The following KLHDC4 variants were observed in gnomAD, a reference collection of about 807,000 sequenced individuals.
KLHDC4 encodes kelch domain containing 4.
KLHDC4 carries 90 observed loss-of-function variants against 62.4 expected under a neutral mutation model. The ratio of observed to expected loss-of-function variants is 1.44; its 90% CI spans 1.22 to 1.72. The LOEUF (loss-of-function observed/expected upper bound fraction) is 1.72. KLHDC4 is among the 40% of genes most tolerant of loss of function. The pLI is 0.00. For missense variants in KLHDC4, 1,025 were observed against 699.7 expected, an observed-to-expected ratio of 1.47 and a Z score of -5.25; for synonymous variants, 386 against 284.4, an observed-to-expected ratio of 1.36 and a Z score of -3.59.
At chr16:87,756,216 C>T (rs112237929) in intron 3 of KLHDC4, 183 bp downstream of exon 3, 30 of 526,544 alleles carry the variant, frequency 5.7e-5, no homozygotes, top group African/African-American at 5.3e-4. Context: ...CCACTGAAGT[C>T]ATCAACAGTC....
At chr16:87,716,355 C>A (rs968618263) in intron 7 of KLHDC4, among the ~76,000 whole-genome samples, 4 of 152,136 alleles carry the variant, frequency 2.6e-5, no homozygotes, top group African/African-American at 9.7e-5. Flanking sequence ...TCTGGGTACG[C>A]GCTATGTCTC....
At chr16:87,700,025 GAA>G (rs2034064349) in exon 1 of KLHDC4, 1 of 152,390 alleles carries the variant, frequency 6.6e-6, no homozygotes, top group Non-Finnish European at 1.5e-5. Flanking sequence ...CCGTCGGACT[GAA>G]GAGACCCTGA....
rs755622074 is a variant in KLHDC4 at position 87,726,828 on chromosome 16, T to C, written c.696A>G (p.Ser232=). 3.1e-6 allele frequency: 5 copies of C among 1,611,614 alleles called. No individual in the cohort carries two copies. The East Asian group carries it at 6.7e-5, about 22-fold the overall frequency. ...SPSGTGPTPR[S]GCQMSVTPQG... ...GGGGAGTGACGGACATCTGGCAGCC[T>C]GATCTGGGTGTGGGCCCCGTCCCTG... Residue 232 remains serine, a synonymous_variant, in exon 7 of 12, where the codon TCA becomes TCG. Transcript: ENST00000270583.
At chr16:87,735,340 T>G (rs2041132819) in intron 5 of KLHDC4, among the ~76,000 whole-genome samples, 1 of 148,740 alleles carries the variant, frequency 6.7e-6, no homozygotes, top group African/African-American at 2.5e-5. Flanking sequence ...AACCAGTGTG[T>G]CTGCATCCAA....
At chr16:87,762,196 C>T in intron 1 of KLHDC4, 156 bp from the exon 2 acceptor site, 1 of 1,429,240 alleles carries the variant, frequency 7.0e-7, no homozygotes, top group Non-Finnish European at 9.2e-7. Flanking sequence ...CAGAGTTTGA[C>T]ACATTCGAAA....
chr16:87,758,610 C>G (rs1056424760), intron 2 of KLHDC4, among the ~76,000 whole-genome samples: 1 of 152,004 alleles, frequency 6.6e-6, no homozygotes, highest in Non-Finnish European at 1.5e-5. Flanking sequence ...CTTCCCTGGG[C>G]TACAATGGAA....
At chr16:87,750,588 C>CA in intron 4 of KLHDC4, among the ~76,000 whole-genome samples, 1 of 152,182 alleles carries the variant, frequency 6.6e-6, no homozygotes, top group Non-Finnish European at 1.5e-5. Flanking sequence ...ACACAGGGCG[C>CA]AGAGAGGGCT....
At chr16:87,724,288 A>G (rs2038955812) in intron 7 of KLHDC4, among the ~76,000 whole-genome samples, 1 of 152,252 alleles carries the variant, frequency 6.6e-6, no homozygotes, top group African/African-American at 2.4e-5. Context: ...GAGAAAAATA[A>G]AAGAAAATCT....
At chr16:87,763,812 G>T (rs995685975) in intron 1 of KLHDC4, among the ~76,000 whole-genome samples, 1 of 152,130 alleles carries the variant, frequency 6.6e-6, no homozygotes, top group South Asian at 2.1e-4. Context: ...AAGGTGGTAG[G>T]GTCTGGGTGA....
chr16:87,747,721 T>G (rs1418220448), intron 5 of KLHDC4: 3 of 152,342 alleles, frequency 2.0e-5, no homozygotes, highest in Non-Finnish European at 4.4e-5. Flanking sequence ...GGCAGAGCAG[T>G]GCAGCCAGCG....
chr16:87,727,863 T>G (rs1425575679), intron 6 of KLHDC4, among the ~76,000 whole-genome samples: 1 of 152,132 alleles, frequency 6.6e-6, no homozygotes, highest in Non-Finnish European at 1.5e-5. Context: ...CACAGGGCGT[T>G]TACCCAGCAC....
intron 6 of KLHDC4, among the ~76,000 whole-genome samples, chr16:87,728,347 A>C (rs2039742622): frequency 6.6e-6 from 1 of 152,212 alleles, no homozygotes; most frequent in Admixed American, 6.5e-5. Context: ...TGTTTTTTTC[A>C]GATTTCACGT....
chr16:87,705,093 C>T (rs904856147), downstream of KLHDC4, among the ~76,000 whole-genome samples: 8 of 150,318 alleles, frequency 5.3e-5, no homozygotes, highest in African/African-American at 1.7e-4. Flanking sequence ...GGGCCGCAGC[C>T]GAGGGAAAGG....
At chr16:87,699,113 C>T (rs2034025089) in exon 1 of KLHDC4, 1 of 152,250 alleles carries the variant, frequency 6.6e-6, no homozygotes, top group Non-Finnish European at 1.5e-5. Context: ...AACAGATGAG[C>T]CCCGCCCTGG....
At chr16:87,700,819 A>AGGGAGGAGGTTGGAGGGCG (rs2034109854) in exon 1 of KLHDC4, 1 of 89,100 alleles carries the variant, frequency 1.1e-5, no homozygotes, top group Non-Finnish European at 2.0e-5. Flanking sequence ...GTTGCAGGGC[A>AGGGAGGAGGTTGGAGGGCG]GAGGGAGGAG....
chr16:87,741,261 G>T (rs548535826), intron 5 of KLHDC4, among the ~76,000 whole-genome samples: 29 of 152,310 alleles, frequency 1.9e-4, no homozygotes, highest in African/African-American at 6.3e-4. Flanking sequence ...GCAGAAGGCA[G>T]CCAGCCAGCG....
In KLHDC4 at chr16:87,714,586, G is replaced by T. The variant is rs369403288; in HGVS notation, c.760-13C>A. The T allele has an allele frequency of 2.5e-6, 4 of 1,614,052 alleles. No homozygotes were observed. The highest frequency in any genetic ancestry group is 3.4e-6 in the Non-Finnish European group (4 of 1,179,922). ...CTTTCTTAACTCTCTGCAATGGAAAGGAATTGTGTGAGAACCGGGGGCAGC... is the reference window on the plus strand; with the variant it reads ...CTTTCTTAACTCTCTGCAATGGAAATGAATTGTGTGAGAACCGGGGGCAGC... On this transcript the variant is annotated splice_polypyrimidine_tract_variant and intron_variant, in intron 7 of 11. Transcript: ENST00000270583.
Position 87,702,542 on chromosome 16 carries a change from C to T in KLHDC4, c.-28G>A, listed in dbSNP as rs1214244312. Reference sequence around the variant, plus strand: ...CCGTGGCCTCCTCGGGGGCAGGCGCCCCCTCCTGGACGCTGAGCTGACCTC... The same window carrying T: ...CCGTGGCCTCCTCGGGGGCAGGCGCTCCCTCCTGGACGCTGAGCTGACCTC... On this transcript the variant is annotated 5_prime_UTR_variant, in exon 1 of 1. Transcript: ENST00000446344. 5 of 354,552 alleles carry T rather than the reference C, an allele frequency of 1.4e-5. No homozygotes were observed. The East Asian group carries it at 3.7e-4, about 26-fold the overall frequency. 22.0% of individuals were successfully genotyped at this position (354,552 alleles called of 1,614,324 possible).
exon 14 of KLHDC4, chr16:87,702,179 C>T (rs1000451094): frequency 2.0e-5 from 9 of 456,200 alleles, no homozygotes; most frequent in Admixed American, 1.6e-4. Context: ...ACGTTGACCA[C>T]CAACCTTGAC....
Sources: gnomAD v4.1 joint callset for allele counts (sites outside exome capture counted in the v4.1 genomes callset) on GRCh38, gnomAD v4.1.1 for gene constraint, MANE v1.5 for transcripts, NCBI Gene and HGNC (gene_info 2026-07-23, HGNC 2026-07-21) for gene names.